The following FADS6 variants were observed in gnomAD, a reference collection of about 807,000 sequenced individuals.
FADS6 encodes fatty acid desaturase domain family, member 6.
FADS6 carries 28 observed loss-of-function variants against 31.7 expected under a neutral mutation model. That is an observed-to-expected ratio of 0.88 (90% CI 0.66 to 1.21). The LOEUF (loss-of-function observed/expected upper bound fraction) is 1.21. Ranked by LOEUF, FADS6 falls within the 50% of genes most tolerant of loss-of-function variation. FADS6 has a pLI of 0.00. For missense variants in FADS6, 494 were observed against 504.2 expected (o/e 0.98, Z 0.19); for synonymous variants, 191 against 213.1 (o/e 0.90, Z 0.90).
At chr17:74,893,016 G>T (rs1396411747) in intron 1 of FADS6, among the ~76,000 whole-genome samples, 2 of 151,822 alleles carry the variant, frequency 1.3e-5, no homozygotes, top group Non-Finnish European at 2.9e-5. Flanking sequence ...ACTCACCTAG[G>T]TCCCCAAAGA....
chr17:74,886,155 C>T (rs561004869), intron 2 of FADS6, among the ~76,000 whole-genome samples: 6 of 150,448 alleles, frequency 4.0e-5, no homozygotes, highest in African/African-American at 1.2e-4. Context: ...AGGAGAATGT[C>T]ATGAACCTGG....
In FADS6 at chr17:74,877,520, A is replaced by G. The variant is rs1423331289; in HGVS notation, c.*811T>C. 4 of 183,990 alleles carry G rather than the reference A, an allele frequency of 2.2e-5. No individual in the cohort carries two copies. The highest frequency in any genetic ancestry group is 4.1e-5 in the Non-Finnish European group (4 of 97,388). 11.4% of individuals were successfully genotyped at this position (183,990 alleles called of 1,614,324 possible). ...AGCTAATTTTTTGTATTTTTAGTAGAGACGGGGTTTCACCATGTTGGCCAG... is the reference window on the plus strand; with the variant it reads ...AGCTAATTTTTTGTATTTTTAGTAGGGACGGGGTTTCACCATGTTGGCCAG... On this transcript the variant is annotated 3_prime_UTR_variant, in exon 6 of 6. Coordinates refer to ENST00000612771, the MANE Select transcript of FADS6 (RefSeq NM_178128.6).
Position 74,878,064 on chromosome 17 carries a change from C to A in FADS6, c.*267G>T. The A allele has an allele frequency of 7.8e-7, 1 of 1,275,304 alleles. No individual in the cohort carries two copies. The highest frequency in any genetic ancestry group is 9.9e-7 in the Non-Finnish European group (1 of 1,007,128). 79.0% of individuals were successfully genotyped at this position (1,275,304 alleles called of 1,614,324 possible). On this transcript the variant is annotated 3_prime_UTR_variant, in exon 6 of 6. Coordinates refer to ENST00000612771, the MANE Select transcript of FADS6 (RefSeq NM_178128.6). Reference sequence around the variant, plus strand: ...GGGGGAAGGACCCAGCTCTTTAGTCCTGAGATGAAGTTGCTGAGGTCCAGA... The same window carrying A: ...GGGGGAAGGACCCAGCTCTTTAGTCATGAGATGAAGTTGCTGAGGTCCAGA...
chr17:74,890,602 G>A (rs1276887950), intron 2 of FADS6, among the ~76,000 whole-genome samples: 1 of 152,062 alleles, frequency 6.6e-6, no homozygotes, highest in East Asian at 1.9e-4. Flanking sequence ...CAGGGTCATC[G>A]TCAGCAAATA....
At chr17:74,880,945 G>A (rs2038560802) in intron 4 of FADS6, 123 bp downstream of exon 4, 1 of 1,016,028 alleles carries the variant, frequency 9.8e-7, no homozygotes, top group Admixed American at 2.7e-5. Flanking sequence ...ATGAGAGCGA[G>A]AGGGAGGATG....
intron 2 of FADS6, among the ~76,000 whole-genome samples, chr17:74,890,210 G>A (rs1022551079): frequency 3.9e-5 from 6 of 152,104 alleles, no homozygotes; most frequent in Admixed American, 6.5e-5. Context: ...CTTCCACCTC[G>A]GCCTCCCAAA....
rs369638196 is a variant in FADS6, at chr17:74,893,433, C to T, written c.163G>A (p.Val55Met). Residue 55 changes from valine (V) to methionine (M), a missense_variant, in exon 1 of 6, where the codon GTG (valine) becomes ATG (methionine). Physicochemically the swap from Val to Met is conservative, Grantham distance 21. Transcript: ENST00000612771. ...LRELEVLVQD[V>M]VRTSSWWERH... ...TCCCACCAGGAGCTCGTCCTCACCA[C>T]GTCCTGCACCAGCACCTCCAGCTCC... The T allele has an allele frequency of 7.0e-6, 11 of 1,579,698 alleles. No individual in the cohort carries two copies. Among genetic ancestry groups the T allele is most frequent in the Non-Finnish European group, 8.6e-6 (10 of 1,164,818 alleles).
downstream of FADS6, among the ~76,000 whole-genome samples, chr17:74,875,671 C>T (rs1164467212): frequency 6.6e-6 from 1 of 152,244 alleles, no homozygotes; most frequent in Non-Finnish European, 1.5e-5. Flanking sequence ...TCTGCCACTG[C>T]GTTTCTCAAA....
chr17:74,881,365 C>T (rs962357175), intron 3 of FADS6, 110 bp from the exon 4 acceptor site: 24 of 1,025,562 alleles, frequency 2.3e-5, no homozygotes, highest in Non-Finnish European at 3.2e-5. Context: ...AATTCATACC[C>T]ACAACAGCCC....
At chr17:74,886,238 C>CAAAA (rs550950451) in intron 2 of FADS6, among the ~76,000 whole-genome samples, 642 of 42,118 alleles carry the variant, frequency 0.015, 14 homozygotes, top group African/African-American at 0.053. Context: ...GATTCCATCT[C>CAAAA]AAAAAAAAAA....
At chr17:74,890,217 C>T (rs1486824746) in intron 2 of FADS6, among the ~76,000 whole-genome samples, 1 of 152,202 alleles carries the variant, frequency 6.6e-6, no homozygotes, top group Non-Finnish European at 1.5e-5. Context: ...CTCGGCCTCC[C>T]AAAGTGCTGG....
intron 4 of FADS6, among the ~76,000 whole-genome samples, chr17:74,880,521 A>G (rs1292735959): frequency 1.3e-5 from 2 of 151,758 alleles, no homozygotes; most frequent in Non-Finnish European, 2.9e-5. Flanking sequence ...TGCCCAGCTA[A>G]TTTTTGTGTT....
intron 2 of FADS6, among the ~76,000 whole-genome samples, chr17:74,888,579 A>G (rs555623344): frequency 3.0e-4 from 45 of 152,216 alleles, no homozygotes; most frequent in Non-Finnish European, 4.4e-4. Flanking sequence ...AAGAGCCCTG[A>G]AGGAAGCCGA....
intron 5 of FADS6, 95 bp downstream of exon 5, chr17:74,879,309 T>G: frequency 8.9e-6 from 13 of 1,462,814 alleles, no homozygotes; most frequent in South Asian, 1.3e-5. Context: ...AGTGCCAGGA[T>G]TATAGTGTGA....
intron 4 of FADS6, among the ~76,000 whole-genome samples, chr17:74,880,137 T>G (rs1490305842): frequency 1.3e-5 from 2 of 152,220 alleles, no homozygotes; most frequent in East Asian, 3.9e-4. Context: ...GAAGCTCTAC[T>G]CTGAGGCCTT....
rs889405671 is a variant in FADS6 at position 74,892,777 on chromosome 17, G to C, written c.245-88C>G. On this transcript the variant is annotated intron_variant, in intron 1 of 5. Transcript: ENST00000612771. ...CCTCAACCCTTACCCTGGGAGCCCA[G>C]GCTAAAGTGGGCTAGGCTCTGGGGG... 6.2e-5 allele frequency: 81 copies of C among 1,305,150 alleles called. No homozygotes were observed. In the East Asian group the frequency reaches 2.0e-3, roughly 33 times the overall value. The allele number at this position is 1,305,150 out of a possible 1,614,324, so 80.8% of individuals were successfully genotyped here.
At chr17:74,885,778 T>C (rs2038615904) in intron 2 of FADS6, among the ~76,000 whole-genome samples, 1 of 152,148 alleles carries the variant, frequency 6.6e-6, no homozygotes, top group Admixed American at 6.5e-5. Flanking sequence ...TCAAATCCAG[T>C]AGAGTGACAC....
At chr17:74,892,286 C>T (rs690607) in intron 2 of FADS6, among the ~76,000 whole-genome samples, 15,533 of 152,200 alleles carry the variant, frequency 0.1, 1,322 homozygotes, top group African/African-American at 0.23. Flanking sequence ...GCCAAGACAG[C>T]GGCATACTCA....
rs767769915 is a variant in FADS6, at chr17:74,879,414, A to T, written c.950T>A (p.Met317Lys). The T allele has an allele frequency of 1.2e-6, 2 of 1,613,746 alleles. No individual in the cohort carries two copies. The highest frequency in any genetic ancestry group is 3.3e-5 in the Admixed American group (2 of 59,990). Residue 317 changes from methionine to lysine, a missense_variant, in exon 5 of 6, where the codon ATG becomes AAG. Met to Lys is a moderately conservative substitution (Grantham distance 95). Around this residue, in one of 2 missense-constraint regions of FADS6, gnomAD observed 454 missense variants for 438.5 expected, o/e 1.04. Transcript: ENST00000612771. ...HHLFPRLSDNMCLKVKPVVSQ... is the reference protein window; with the variant it reads ...HHLFPRLSDNKCLKVKPVVSQ... ...CCAGCCCTCGACTACCTTCAGGCAC[A>T]TGTTATCAGAGAGCCTGGGGAATAG...
Sources: gnomAD v4.1 joint callset for allele counts (sites outside exome capture counted in the v4.1 genomes callset) on GRCh38, gnomAD v4.1.1 for gene constraint, gnomAD v4.1.1 regional missense constraint, MANE v1.5 for transcripts, NCBI Gene and HGNC (gene_info 2026-07-23, HGNC 2026-07-21) for gene names.